The following SOCS7 variants were observed in gnomAD, a reference collection of about 807,000 sequenced individuals.
The protein encoded by SOCS7 is NAP-4.
SOCS7 carries 18 observed loss-of-function variants against 58.9 expected under a neutral mutation model. The ratio of observed to expected loss-of-function variants is 0.31; its 90% CI spans 0.21 to 0.45. The LOEUF (loss-of-function observed/expected upper bound fraction) is 0.45. SOCS7 is among the 20% of genes least tolerant of loss of function. The pLI, the probability that SOCS7 is intolerant of heterozygous loss-of-function variation, is 1.00. For synonymous variants in SOCS7, 388 were observed against 364.3 expected (o/e 1.06, Z -0.74); for missense variants, 667 against 837.3 (o/e 0.80, Z 2.51).
At chr17:38,384,891 C>CTTTTTTTTTTT (rs71138614) in intron 7 of SOCS7, among the ~76,000 whole-genome samples, 1 of 76,640 alleles carries the variant, frequency 1.3e-5, no homozygotes, top group African/African-American at 6.0e-5. Flanking sequence ...GCACCCAGCT[C>CTTTTTTTTTTT]TTTTTTTTTT....
At position 38,395,949 on chromosome 17, in the gene SOCS7, A is replaced by G. The variant is rs1172558076; in HGVS notation, c.1919A>G (p.Glu640Gly). ...CAGCTCATTTCCAAACAGAAGCAAG[A>G]GGTGGAACCCTCCACGTAGCGAGGG... The part of the protein sequence containing the change: ...EAQLISKQKQ[E>G]VEPST Residue 640 changes from glutamate (E) to glycine (G), a missense_variant, in exon 9 of 10, where the codon GAG becomes GGG. Physicochemically the swap from Glu to Gly is moderately conservative, Grantham distance 98. This residue lies in a region of SOCS7 where 40 missense variants were observed against 45.6 expected (regional missense o/e 0.88). Coordinates refer to ENST00000612932, the MANE Select transcript of SOCS7 (RefSeq NM_014598.4). 1 of 1,609,986 alleles carries G rather than the reference A, an allele frequency of 6.2e-7. No individual in the cohort carries two copies. Among genetic ancestry groups the G allele is most frequent in the Non-Finnish European group, 8.5e-7 (1 of 1,179,112 alleles).
At chr17:38,353,138 G>C in intron 1 of SOCS7, 106 bp downstream of exon 1, 1 of 1,092,576 alleles carries the variant, frequency 9.2e-7, no homozygotes, top group East Asian at 2.6e-5. Context: ...GGGTCTTCAG[G>C]AGGAGGCAGA....
At chr17:38,360,701 G>T (rs1026488691) in intron 1 of SOCS7, among the ~76,000 whole-genome samples, 1 of 151,414 alleles carries the variant, frequency 6.6e-6, no homozygotes, top group African/African-American at 2.4e-5. Flanking sequence ...CACCACACCC[G>T]GCTAATTTTT....
chr17:38,355,584 G>C lies in SOCS7; in HGVS notation c.980+2552G>C, dbSNP rs1167691992. ...GTTTTGATTGGTAGGACCTGGAAATGGTGAGAAATTTCAGTCTTTTGCCAA... is the reference window on the plus strand; with the variant it reads ...GTTTTGATTGGTAGGACCTGGAAATCGTGAGAAATTTCAGTCTTTTGCCAA... On this transcript the variant is annotated intron_variant, in intron 1 of 9. Coordinates refer to ENST00000612932, the MANE Select transcript of SOCS7 (RefSeq NM_014598.4). Among the ~76,000 whole-genome samples, 3 of 152,288 alleles carry C rather than the reference G, an allele frequency of 2.0e-5. No homozygotes were observed. The East Asian group carries it at 5.8e-4, about 29-fold the overall frequency.
Position 38,352,207 on chromosome 17 carries a change from C to T in SOCS7, c.155C>T (p.Ala52Val). The part of the protein sequence containing the change: ...GHGPPPPPFL[A>V]RPGPRGSRPP... ...GGCCCCCCGCCGCCACCCTTCCTCGCGCGGCCCGGCCCGCGGGGCTCCCGG... is the reference window on the plus strand; with the variant it reads ...GGCCCCCCGCCGCCACCCTTCCTCGTGCGGCCCGGCCCGCGGGGCTCCCGG... Residue 52 changes from alanine (A) to valine (V), a missense_variant, in exon 1 of 10, where the codon GCG becomes GTG. Physicochemically the swap from Ala to Val is moderately conservative, Grantham distance 64. Coordinates refer to ENST00000612932, the MANE Select transcript of SOCS7 (RefSeq NM_014598.4). This position sits in a 1 kb window ranked among gnomAD's most constrained non-coding sequence, Gnocchi z 5.5. 2.2e-6 allele frequency: 3 copies of T among 1,333,404 alleles called. No homozygotes were observed. Among genetic ancestry groups the T allele is most frequent in the Non-Finnish European group, 2.9e-6 (3 of 1,050,566 alleles). The allele number at this position is 1,333,404 out of a possible 1,614,324, so 82.6% of individuals were successfully genotyped here.
chr17:38,387,562 CATAATAT>C (rs1351488535), intron 7 of SOCS7, among the ~76,000 whole-genome samples: 1 of 130,764 alleles, frequency 7.6e-6, no homozygotes, highest in African/African-American at 3.2e-5. Flanking sequence ...ATACACAATA[CATAATAT>C]ATATACACAA....
intron 6 of SOCS7, among the ~76,000 whole-genome samples, chr17:38,372,693 A>G (rs1340117261): frequency 6.6e-6 from 1 of 152,202 alleles, no homozygotes; most frequent in Non-Finnish European, 1.5e-5. Flanking sequence ...TTCCCCTAAG[A>G]GGCAGAGAAA....
At chr17:38,353,191 C>G (rs572684415) in intron 1 of SOCS7, among the ~76,000 whole-genome samples, 159 bp downstream of exon 1, 5 of 152,352 alleles carry the variant, frequency 3.3e-5, no homozygotes, top group African/African-American at 1.2e-4. Flanking sequence ...AAGGTCAGCG[C>G]TAATTGTGGA....
intron 1 of SOCS7, among the ~76,000 whole-genome samples, chr17:38,354,534 T>A (rs1947832481): frequency 6.6e-6 from 1 of 152,224 alleles, no homozygotes; most frequent in South Asian, 2.1e-4. Flanking sequence ...CCAAACTTTC[T>A]AAAGAAATCA....
intron 9 of SOCS7, among the ~76,000 whole-genome samples, chr17:38,398,241 CTTT>C (rs990311481): frequency 3.3e-4 from 43 of 129,348 alleles, no homozygotes; most frequent in African/African-American, 9.9e-4. Flanking sequence ...AGGGAAAGGT[CTTT>C]TTTTTTTTTT....
chr17:38,362,110 C>G (rs2037728092), intron 2 of SOCS7, among the ~76,000 whole-genome samples: 1 of 152,194 alleles, frequency 6.6e-6, no homozygotes, highest in Non-Finnish European at 1.5e-5. Context: ...AAAAGACTCT[C>G]TAGAAGTCAT....
In SOCS7 at chr17:38,405,468, TG is replaced by T. The variant is rs2038379515; in HGVS notation, c.*5987del. 1 of 152,340 alleles carries T rather than the reference TG, an allele frequency of 6.6e-6. No individual in the cohort carries two copies. Among genetic ancestry groups the T allele is most frequent in the South Asian group, 2.1e-4 (1 of 4,824 alleles). 9.4% of individuals were successfully genotyped at this position (152,340 alleles called of 1,614,324 possible). A position where few individuals can be genotyped will look rare whatever the true frequency, so the allele number is the denominator to read the frequency against. ...ACCCCATGTACAATTCCCAGTTTTT[TG>T]TAAGTGTCAGTGCGAGAGACATTTG... On this transcript the variant is annotated 3_prime_UTR_variant, in exon 10 of 10. Transcript: ENST00000612932.
chr17:38,393,068 G>A (rs561772732), intron 7 of SOCS7, among the ~76,000 whole-genome samples: 63 of 151,980 alleles, frequency 4.1e-4, no homozygotes, highest in Non-Finnish European at 5.9e-4. Context: ...GGAGTGCAGC[G>A]GCACAATCTT....
Position 38,361,737 on chromosome 17 carries a change from G to A in SOCS7, c.1007G>A (p.Ser336Asn). 1.9e-6 allele frequency: 3 copies of A among 1,613,672 alleles called. No homozygotes were observed. The highest frequency in any genetic ancestry group is 1.7e-6 in the Non-Finnish European group (2 of 1,179,742). Reference sequence around the variant, plus strand: ...AAACCCAAGTTGACAAGAACTCAAAGTGCCTTTTCTCCGGTCTCCTTCAGC... The same window carrying A: ...AAACCCAAGTTGACAAGAACTCAAAATGCCTTTTCTCCGGTCTCCTTCAGC... Reference protein sequence around the residue: ...GRKPKLTRTQSAFSPVSFSPL... With the variant: ...GRKPKLTRTQNAFSPVSFSPL... The change falls in exon 2 of 10, where the codon AGT (serine) becomes AAT (asparagine). Residue 336 changes from serine to asparagine, a missense_variant. Coordinates refer to ENST00000612932, the MANE Select transcript of SOCS7 (RefSeq NM_014598.4).
intron 7 of SOCS7, among the ~76,000 whole-genome samples, chr17:38,393,754 G>A (rs894197169): frequency 1.3e-5 from 2 of 151,794 alleles, no homozygotes; most frequent in Non-Finnish European, 2.9e-5. Context: ...CAAAAAATTA[G>A]CCCGGCGTGG....
Position 38,352,673 on chromosome 17 carries a change from A to C in SOCS7, c.621A>C (p.Gly207=). 1.3e-6 allele frequency: 2 copies of C among 1,546,986 alleles called. No individual in the cohort carries two copies. The highest frequency in any genetic ancestry group is 2.5e-5 in the East Asian group (1 of 40,784). ...AGGAGCTCAGCAGCCCGGGTCGCGGAGGAGGAGGGGGCGGCCGGCTTCTGC... is the reference window on the plus strand; with the variant it reads ...AGGAGCTCAGCAGCCCGGGTCGCGGCGGAGGAGGGGGCGGCCGGCTTCTGC... The part of the protein sequence containing the change: ...SEEELSSPGR[G]GGGGGRLLLQ... The change falls in exon 1 of 10, where the codon GGA becomes GGC. Residue 207 remains glycine (G), a synonymous_variant. Transcript: ENST00000612932. This position sits in a 1 kb window ranked among gnomAD's most constrained non-coding sequence, Gnocchi z 5.5.
rs1211995112 is a variant in SOCS7 at position 38,405,042 on chromosome 17, T to C, written c.*5560T>C. 1 of 151,940 alleles carries C rather than the reference T, an allele frequency of 6.6e-6. No individual in the cohort carries two copies. Among genetic ancestry groups the C allele is most frequent in the African/African-American group, 2.4e-5 (1 of 41,206 alleles). The allele number at this position is 151,940 out of a possible 1,614,324, so 9.4% of individuals were successfully genotyped here. A position where few individuals can be genotyped will look rare whatever the true frequency, so the allele number is the denominator to read the frequency against. On this transcript the variant is annotated 3_prime_UTR_variant, in exon 10 of 10. Coordinates refer to ENST00000612932, the MANE Select transcript of SOCS7 (RefSeq NM_014598.4). ...CACTTCTGTCTCCGTTAGCCCCCCC[T>C]CTGCCCTCCTCCAAGCCAAAGCGTG...
chr17:38,365,164 G>C, intron 3 of SOCS7, 144 bp from the exon 4 acceptor site: 1 of 620,858 alleles, frequency 1.6e-6, no homozygotes, highest in Non-Finnish European at 2.8e-6. Flanking sequence ...GATGATTGTT[G>C]CCCTCTGTGC....
chr17:38,389,866 TAC>T lies in SOCS7; in HGVS notation c.1682-5441_1682-5440del, dbSNP rs1597776514. Among the ~76,000 whole-genome samples, 226 of 34,124 alleles carry T rather than the reference TAC, an allele frequency of 6.6e-3. 5 individuals are homozygous for T. Among genetic ancestry groups the T allele is most frequent in the African/African-American group, 0.02 (169 of 8,438 alleles). 22.4% of individuals were successfully genotyped at this position (34,124 alleles called of 152,430 possible). On this transcript the variant is annotated intron_variant, in intron 7 of 9. Coordinates refer to ENST00000612932, the MANE Select transcript of SOCS7 (RefSeq NM_014598.4). Reference sequence around the variant, plus strand: ...TTTTTTTGTTTGGTGTGTATGTGTGTACATATATATATATATGTACATATATA... The same window carrying T: ...TTTTTTTGTTTGGTGTGTATGTGTGTATATATATATATATGTACATATATA...
Sources: gnomAD v4.1 joint callset for allele counts (sites outside exome capture counted in the v4.1 genomes callset) on GRCh38, gnomAD v4.1.1 for gene constraint, gnomAD v4.1.1 regional missense constraint, Gnocchi (gnomAD v3.1) non-coding constraint, MANE v1.5 for transcripts, NCBI Gene and HGNC (gene_info 2026-07-23, HGNC 2026-07-21) for gene names.